Variants in ADAMTSL1 observed in about 807,000 individuals in gnomAD.
The protein encoded by ADAMTSL1 is ADAMTS like 1, also known as ADAMTS-like protein 1.
A neutral mutation model predicts 201.8 loss-of-function variants in ADAMTSL1; 126 were observed. That is an observed-to-expected ratio of 0.62 (90% CI 0.54 to 0.72). The LOEUF (loss-of-function observed/expected upper bound fraction) is 0.72. Ranked by LOEUF, ADAMTSL1 falls within the 30% of genes least tolerant of loss-of-function variation. ADAMTSL1 has a pLI of 0.00. For synonymous variants in ADAMTSL1, 1,121 were observed against 903.4 expected (o/e 1.24, Z -4.32); for missense variants, 2,679 against 2,277.8 (o/e 1.18, Z -3.59).
chr9:18,361,333 ATGT>A (rs1316232866), intron 2 of ADAMTSL1, among the ~76,000 whole-genome samples: 2 of 152,230 alleles, frequency 1.3e-5, no homozygotes, highest in East Asian at 1.9e-4. Context: ...CACTATTAAA[ATGT>A]TGATGTATTT....
At chr9:18,402,496 T>C (rs1818022980) in intron 2 of ADAMTSL1, among the ~76,000 whole-genome samples, 1 of 152,182 alleles carries the variant, frequency 6.6e-6, no homozygotes, top group South Asian at 2.1e-4. Context: ...AATCATTTCC[T>C]CTAAGTCTCT....
chr9:18,268,759 C>CA (rs1832238009), intron 2 of ADAMTSL1, among the ~76,000 whole-genome samples: 1 of 152,092 alleles, frequency 6.6e-6, no homozygotes, highest in Admixed American at 6.6e-5. Context: ...TTCAAAATAG[C>CA]ATATGGTGAT....
chr9:18,908,658 C>A lies in ADAMTSL1; in HGVS notation c.*110C>A. 1.2e-6 allele frequency: 1 copy of A among 856,494 alleles called. No individual in the cohort carries two copies. The highest frequency in any genetic ancestry group is 1.8e-6 in the Non-Finnish European group (1 of 555,974). The allele number at this position is 856,494 out of a possible 1,614,324, so 53.1% of individuals were successfully genotyped here. ...TTATTTATTTATTTCCCCCTCCCCA[C>A]TCCACACACACCCTTCCAACCTCCT... On this transcript the variant is annotated 3_prime_UTR_variant, in exon 29 of 29. Transcript: ENST00000380548.
intron 3 of ADAMTSL1, among the ~76,000 whole-genome samples, chr9:18,542,480 A>G (rs912327088): frequency 2.0e-5 from 3 of 152,168 alleles, no homozygotes; most frequent in Non-Finnish European, 4.4e-5. Flanking sequence ...TAAAGATGTA[A>G]TTAAGTTAAA....
chr9:18,642,542 C>T (rs1318054862), intron 7 of ADAMTSL1, among the ~76,000 whole-genome samples: 1 of 151,614 alleles, frequency 6.6e-6, no homozygotes, highest in Admixed American at 6.6e-5. Context: ...TTTCTCCTAA[C>T]GAAATTTTGT....
chr9:18,563,701 A>T (rs1382002829), intron 3 of ADAMTSL1, among the ~76,000 whole-genome samples: 4 of 152,164 alleles, frequency 2.6e-5, no homozygotes, highest in Admixed American at 6.5e-5. Context: ...TCCTTCAGAG[A>T]TGCCCTGCAC....
chr9:18,524,556 A>G (rs560369222), intron 2 of ADAMTSL1, among the ~76,000 whole-genome samples: 1 of 152,190 alleles, frequency 6.6e-6, no homozygotes, highest in Non-Finnish European at 1.5e-5. Context: ...TTGCCCATTC[A>G]GTATGATATT....
intron 21 of ADAMTSL1, among the ~76,000 whole-genome samples, chr9:18,822,713 T>C (rs192399856): frequency 6.6e-6 from 1 of 152,340 alleles, no homozygotes. Flanking sequence ...TATTAAATAG[T>C]ACCTGCTTCA....
intron 9 of ADAMTSL1, among the ~76,000 whole-genome samples, chr9:18,664,511 C>T (rs1229479263): frequency 6.6e-6 from 1 of 152,068 alleles, no homozygotes; most frequent in Non-Finnish European, 1.5e-5. Context: ...TATAAAGTCA[C>T]ATGTTTTTAA....
chr9:18,809,262 G>A (rs1036778461), intron 20 of ADAMTSL1, among the ~76,000 whole-genome samples: 10 of 152,188 alleles, frequency 6.6e-5, no homozygotes, highest in Admixed American at 6.5e-4. Context: ...GTTAGAAAAG[G>A]CCTCACTAGG....
intron 2 of ADAMTSL1, among the ~76,000 whole-genome samples, chr9:18,234,563 C>G (rs1355744834): frequency 6.6e-6 from 1 of 152,034 alleles, no homozygotes; most frequent in Non-Finnish European, 1.5e-5. Flanking sequence ...AATAGAAGTG[C>G]CAGAGCCAAA....
intron 2 of ADAMTSL1, among the ~76,000 whole-genome samples, chr9:18,343,786 C>T (rs749740377): frequency 2.0e-5 from 3 of 152,062 alleles, no homozygotes; most frequent in Non-Finnish European, 4.4e-5. Flanking sequence ...GGCTTAGGGT[C>T]CCTGGGCATT....
At chr9:18,057,702 C>T (rs975322284) in intron 1 of ADAMTSL1, among the ~76,000 whole-genome samples, 4 of 152,230 alleles carry the variant, frequency 2.6e-5, no homozygotes, top group Non-Finnish European at 5.9e-5. Flanking sequence ...CTCTGGGCTC[C>T]AGCCATACCT....
chr9:18,208,453 C>T (rs980850570), intron 2 of ADAMTSL1, among the ~76,000 whole-genome samples: 5 of 152,108 alleles, frequency 3.3e-5, no homozygotes, highest in Non-Finnish European at 7.4e-5. Flanking sequence ...AGATACACGG[C>T]AACCAATGAG....
intron 1 of ADAMTSL1, among the ~76,000 whole-genome samples, chr9:18,055,697 A>T (rs948684981): frequency 2.0e-5 from 3 of 152,244 alleles, no homozygotes; most frequent in African/African-American, 7.2e-5. Flanking sequence ...TATGCCGTGC[A>T]TAAAATCACT....
At chr9:18,163,217 A>C (rs1341993072) in intron 1 of ADAMTSL1, among the ~76,000 whole-genome samples, 1 of 152,020 alleles carries the variant, frequency 6.6e-6, no homozygotes, top group Non-Finnish European at 1.5e-5. Flanking sequence ...AAATTCCTGA[A>C]ACCCTTTGTG....
chr9:18,585,726 T>C (rs1823444559), intron 4 of ADAMTSL1, among the ~76,000 whole-genome samples: 1 of 151,978 alleles, frequency 6.6e-6, no homozygotes, highest in Admixed American at 6.5e-5. Context: ...GCAAACCCAA[T>C]TTAGCATCAC....
chr9:18,647,299 T>C lies in ADAMTSL1; in HGVS notation c.834+7888T>C, dbSNP rs1394344240. 2.0e-5 allele frequency among the ~76,000 whole-genome samples: 3 copies of C among 152,124 alleles called. 1 individual carries two copies. Among genetic ancestry groups the C allele is most frequent in the African/African-American group, 7.2e-5 (3 of 41,432 alleles). Reference sequence around the variant, plus strand: ...CTCTTTTTTTCTTTATTAGTCTTCCTAGTGGTCTATCAATTTTGTTGATCC... The same window carrying C: ...CTCTTTTTTTCTTTATTAGTCTTCCCAGTGGTCTATCAATTTTGTTGATCC... On this transcript the variant is annotated intron_variant, in intron 7 of 28. Coordinates refer to ENST00000380548, the MANE Select transcript of ADAMTSL1 (RefSeq NM_001040272.6).
intron 15 of ADAMTSL1, among the ~76,000 whole-genome samples, chr9:18,736,709 C>G (rs1449123779): frequency 6.6e-6 from 1 of 152,110 alleles, no homozygotes; most frequent in Non-Finnish European, 1.5e-5. Context: ...GGATTATATT[C>G]CTTTCTCTTA....
Sources: allele counts gnomAD v4.1 joint callset (sites outside exome capture counted in the v4.1 genomes callset), GRCh38; gene constraint gnomAD v4.1.1; transcripts MANE v1.5; gene names NCBI Gene and HGNC (gene_info 2026-07-23, HGNC 2026-07-21).